NUP98: variants seen among roughly 807,000 people sequenced by gnomAD.
NUP98 encodes the protein nucleoporin 98 and 96 precursor, also known as nuclear pore complex protein Nup98-Nup96.
A neutral mutation model predicts 191.9 loss-of-function variants in NUP98; 26 were observed. The ratio of observed to expected loss-of-function variants is 0.14; its 90% CI spans 0.10 to 0.19. NUP98 has a LOEUF of 0.19. Among genes scored for constraint, NUP98 ranks in the 10% least tolerant of loss-of-function variants. NUP98 has a pLI of 1.00. For synonymous variants in NUP98, 808 were observed against 778.4 expected, an observed-to-expected ratio of 1.04 and a Z score of -0.63; for missense variants, 1,941 against 2,178.8, an observed-to-expected ratio of 0.89 and a Z score of 2.17.
chr11:3,735,993 C>T (rs539277787), intron 12 of NUP98, among the ~76,000 whole-genome samples: 12 of 150,438 alleles, frequency 8.0e-5, no homozygotes, highest in Admixed American at 8.0e-4. Context: ...ACCTCTGCCT[C>T]CAGGCTCAAG....
intron 11 of NUP98, among the ~76,000 whole-genome samples, chr11:3,746,294 A>AACG (rs144936005): frequency 1.3e-4 from 12 of 93,086 alleles, no homozygotes; most frequent in Non-Finnish European, 2.2e-4. Flanking sequence ...AAAAAAAAAA[A>AACG]GACAGCTTTG....
At chr11:3,676,762 C>T (rs1353191879) in intron 31 of NUP98, 142 bp from the exon 32 acceptor site, 2 of 774,834 alleles carry the variant, frequency 2.6e-6, no homozygotes, top group East Asian at 2.4e-5. Flanking sequence ...GCCAAGCCAC[C>T]ACCATCTAGT....
At chr11:3,740,841 CAG>C (rs1009639360) in intron 12 of NUP98, among the ~76,000 whole-genome samples, 18 of 149,412 alleles carry the variant, frequency 1.2e-4, no homozygotes, top group East Asian at 3.9e-4. Context: ...TTTTTGGAGA[CAG>C]AGTCTCGCAC....
chr11:3,724,519 C>T (rs114652576), intron 15 of NUP98, among the ~76,000 whole-genome samples: 2,737 of 150,816 alleles, frequency 0.018, 99 homozygotes, highest in African/African-American at 0.063. Context: ...AGGCTGGGCA[C>T]GGTGGCTCAC....
Position 3,675,822 on chromosome 11 carries a change from T to G in NUP98, c.*337A>C. On this transcript the variant is annotated 3_prime_UTR_variant, in exon 33 of 33. Transcript: ENST00000324932. ...TAGGGAAGCTGGTTGGCATGGAGGG[T>G]CACAAGATCCAGAATGGCTAGGGAT... 2.5e-6 allele frequency: 1 copy of G among 392,938 alleles called. No individual in the cohort carries two copies. The allele number at this position is 392,938 out of a possible 1,614,324, so 24.3% of individuals were successfully genotyped here.
At chr11:3,679,947 T>C (rs6578413) in intron 30 of NUP98, among the ~76,000 whole-genome samples, 82,050 of 152,114 alleles carry the variant, frequency 0.54, 22,839 homozygotes, top group Admixed American at 0.7. Flanking sequence ...AAAAGTTATG[T>C]TTACACTATA....
intron 2 of NUP98, among the ~76,000 whole-genome samples, chr11:3,780,048 G>A (rs186696127): frequency 5.5e-4 from 84 of 152,200 alleles, no homozygotes; most frequent in Admixed American, 2.9e-3. Flanking sequence ...AACAACCTGG[G>A]AAGCTTTTTC....
Position 3,792,178 on chromosome 11 carries a change from C to CAAAAAAA in NUP98, c.-29+5215_-29+5221dup, listed in dbSNP as rs61471948. Among the ~76,000 whole-genome samples, 23 of 58,852 alleles carry CAAAAAAA rather than the reference C, an allele frequency of 3.9e-4. 1 individual carries two copies. Among genetic ancestry groups the CAAAAAAA allele is most frequent in the Non-Finnish European group, 6.2e-4 (20 of 32,392 alleles). 38.6% of individuals were successfully genotyped at this position (58,852 alleles called of 152,430 possible). On this transcript the variant is annotated intron_variant, in intron 1 of 32. Transcript: ENST00000324932. ...CAGGTGACAGAGTGAAACTCCATCT[C>CAAAAAAA]AAAAAAAAAAAAAAAAAAAAAAAAA...
rs765316019 is a variant in NUP98 at position 3,760,599 on chromosome 11, T to C, written c.1114A>G (p.Thr372Ala). The change falls in exon 10 of 33, where the codon ACA becomes GCA. Residue 372 changes from threonine (T) to alanine (A), a missense_variant. Transcript: ENST00000324932. ...GCACTGGTTGTGCTGCTTCCAAATG[T>C]AGTAAGCTTGTTATTGCCAAACAGG... ...STLFGNNKLT[T>A]FGSSTTSAPS... is the part of the protein sequence containing the mutation. 5.6e-6 allele frequency: 9 copies of C among 1,613,540 alleles called. No individual in the cohort carries two copies. Among genetic ancestry groups the C allele is most frequent in the South Asian group, 5.5e-5 (5 of 90,924 alleles).
chr11:3,719,452 C>A lies in NUP98; in HGVS notation c.2359G>T (p.Asp787Tyr), dbSNP rs2079311419. Residue 787 changes from aspartate (D) to tyrosine (Y), a missense_variant, in exon 18 of 33, where the codon GAT becomes TAT. Around this residue, in one of 6 missense-constraint regions of NUP98, gnomAD observed 95 missense variants for 139.7 expected, o/e 0.68. Transcript: ENST00000324932. The stretch of plus-strand genomic sequence containing the variant: ...CCCACAGGTGGTTTTTGGTTATCAT[C>A]TAAGTAGACAACTACTTCTTTCCTC... Reference protein sequence around the residue: ...IRRKEVVVYLDDNQKPPVGEG... With the variant: ...IRRKEVVVYLYDNQKPPVGEG... 6.2e-7 allele frequency: 1 copy of A among 1,600,364 alleles called. No homozygotes were observed. The highest frequency in any genetic ancestry group is 8.5e-7 in the Non-Finnish European group (1 of 1,175,236).
chr11:3,696,394 C>G (rs942939588), intron 25 of NUP98, among the ~76,000 whole-genome samples: 1 of 151,570 alleles, frequency 6.6e-6, no homozygotes, highest in Non-Finnish European at 1.5e-5. Flanking sequence ...CCCAGCTACT[C>G]AAGAGGCTGA....
rs758019273 is a variant in NUP98, at chr11:3,735,155, T to C, written c.1542+36A>G. ...TCTGCACATTCAGTTTCTCTTTCTT[T>C]GATATGATATTTTACAGAAGTATCC... On this transcript the variant is annotated intron_variant, in intron 13 of 32. Coordinates refer to ENST00000324932, the MANE Select transcript of NUP98 (RefSeq NM_016320.5). 1.4e-5 allele frequency: 21 copies of C among 1,516,078 alleles called. No individual in the cohort carries two copies. In the Admixed American group the frequency reaches 3.9e-4, roughly 28 times the overall value. The allele number at this position is 1,516,078 out of a possible 1,614,324, so 93.9% of individuals were successfully genotyped here. A position where few individuals can be genotyped will look rare whatever the true frequency, so the allele number is the denominator to read the frequency against.
At chr11:3,680,678 T>C (rs2077958226) in intron 30 of NUP98, among the ~76,000 whole-genome samples, 1 of 152,040 alleles carries the variant, frequency 6.6e-6, no homozygotes, top group Admixed American at 6.6e-5. Context: ...CCCGAATAGC[T>C]GCGACCACAG....
chr11:3,709,064 A>G (rs1391817532), intron 20 of NUP98, among the ~76,000 whole-genome samples: 1 of 152,228 alleles, frequency 6.6e-6, no homozygotes, highest in Non-Finnish European at 1.5e-5. Context: ...ACCTAACGAT[A>G]CAGCATTGCT....
chr11:3,679,487 G>A (rs201765954), intron 31 of NUP98, 67 bp downstream of exon 31: 3 of 1,553,192 alleles, frequency 1.9e-6, no homozygotes, highest in Non-Finnish European at 2.7e-6. Context: ...AAGGCCTTGT[G>A]AGGTATCTGA....
intron 1 of NUP98, among the ~76,000 whole-genome samples, chr11:3,795,035 C>T (rs934269831): frequency 3.3e-5 from 5 of 152,206 alleles, no homozygotes; most frequent in Non-Finnish European, 7.3e-5. Flanking sequence ...TCCAGGTTAA[C>T]TACCACCACA....
At chr11:3,707,327 G>A (rs1484118534) in intron 20 of NUP98, among the ~76,000 whole-genome samples, 1 of 152,138 alleles carries the variant, frequency 6.6e-6, no homozygotes, top group Non-Finnish European at 1.5e-5. Context: ...AACAGTCTAT[G>A]ATTTAAAAGG....
At chr11:3,702,053 G>A (rs974669062) in intron 23 of NUP98, among the ~76,000 whole-genome samples, 1 of 152,162 alleles carries the variant, frequency 6.6e-6, no homozygotes, top group Admixed American at 6.5e-5. Context: ...CACTTTGGGA[G>A]GCCAAGGTAG....
rs764642034 is a variant in NUP98 at position 3,699,238 on chromosome 11, G to C, written c.3853C>G (p.Arg1285Gly). The change falls in exon 25 of 33, where the codon CGA (arginine) becomes GGA (glycine). Residue 1285 changes from arginine to glycine, a missense_variant. Physicochemically the swap from Arg to Gly is moderately radical, Grantham distance 125. Around this residue, in one of 6 missense-constraint regions of NUP98, gnomAD observed 1,030 missense variants for 1,115.8 expected, o/e 0.92. Coordinates refer to ENST00000324932, the MANE Select transcript of NUP98 (RefSeq NM_016320.5). ...AGCCAGCGGGAGAAAGCTCTTCTTC[G>C]CTCCAGAATTTGAATGTATTCACGG... Reference protein sequence around the residue: ...EPREYIQILERRRAFSRWLSC... With the variant: ...EPREYIQILEGRRAFSRWLSC... The C allele has an allele frequency of 6.2e-7, 1 of 1,614,114 alleles. No individual in the cohort carries two copies. Among genetic ancestry groups the C allele is most frequent in the Non-Finnish European group, 8.5e-7 (1 of 1,180,028 alleles).
Sources: allele counts gnomAD v4.1 joint callset (sites outside exome capture counted in the v4.1 genomes callset), GRCh38; gene constraint gnomAD v4.1.1; regional missense constraint gnomAD v4.1.1; transcripts MANE v1.5; gene names NCBI Gene and HGNC (gene_info 2026-07-23, HGNC 2026-07-21).